TENM4: variants seen among roughly 807,000 people sequenced by gnomAD.
TENM4 encodes teneurin transmembrane protein 4, also known as teneurin-4.
A neutral mutation model predicts 243.3 loss-of-function variants in TENM4; 82 were observed. The ratio of observed to expected loss-of-function variants is 0.34; its 90% CI spans 0.28 to 0.40. The LOEUF (loss-of-function observed/expected upper bound fraction) is 0.40. Ranked by LOEUF, TENM4 falls within the 10% of genes least tolerant of loss-of-function variation. The pLI is 1.00. For missense variants in TENM4, 3,138 were observed against 3,673.3 expected (o/e 0.85, Z 3.77); for synonymous variants, 1,412 against 1,456.3 (o/e 0.97, Z 0.69).
At chr11:78,989,071 T>G (rs988570987) in intron 6 of TENM4, among the ~76,000 whole-genome samples, 1 of 152,262 alleles carries the variant, frequency 6.6e-6, no homozygotes, top group Admixed American at 6.5e-5. Flanking sequence ...CTCACAACTC[T>G]AATCCTATAG....
Position 79,064,954 on chromosome 11 carries a change from C to T in TENM4, c.277G>A (p.Gly93Arg), listed in dbSNP as rs561431723. 428 of 1,483,850 alleles carry T rather than the reference C, an allele frequency of 2.9e-4. No homozygotes were observed. Among genetic ancestry groups the T allele is most frequent in the South Asian group, 1.1e-3 (82 of 73,432 alleles). The allele number at this position is 1,483,850 out of a possible 1,614,324, so 91.9% of individuals were successfully genotyped here. ...LGLEEVTPPH[G>R]TLYRTDIGLP... ...CCAATGTCTGTCCGGTACAGGGTCCCGTGAGGGGGCGTTACTTCTTCCAGC... is the reference window on the plus strand; with the variant it reads ...CCAATGTCTGTCCGGTACAGGGTCCTGTGAGGGGGCGTTACTTCTTCCAGC... The change falls in exon 6 of 34, where the codon GGG becomes AGG. Residue 93 changes from glycine (G) to arginine (R), a missense_variant. Coordinates refer to ENST00000278550, the MANE Select transcript of TENM4 (RefSeq NM_001098816.3).
intron 5 of TENM4, among the ~76,000 whole-genome samples, chr11:79,065,309 C>T (rs186656987): frequency 6.6e-6 from 1 of 152,334 alleles, no homozygotes; most frequent in African/African-American, 2.4e-5. Flanking sequence ...CAAGCTCCTT[C>T]CAGAGTCCTT....
intron 15 of TENM4, among the ~76,000 whole-genome samples, chr11:78,787,894 A>G (rs1856973039): frequency 6.6e-6 from 1 of 152,216 alleles, no homozygotes. Flanking sequence ...GCTCCAGGCC[A>G]GCAACAGCTT....
In TENM4 at chr11:78,658,462, C is replaced by G; in HGVS notation, c.7906G>C (p.Gly2636Arg). ...CCATTCTCCAGGGTTCGCCGCCCCC[C>G]ACTGAGGCCCAGGATGGCCAGGTCA... is the stretch of plus-strand genomic sequence containing the variant. ...EGDLAILGLS[G>R]GRRTLENGVN... is the part of the protein sequence containing the mutation. The change falls in exon 34 of 34, where the codon GGG becomes CGG. Residue 2636 changes from glycine (G) to arginine (R), a missense_variant. Physicochemically the swap from Gly to Arg is moderately radical, Grantham distance 125. Coordinates refer to ENST00000278550, the MANE Select transcript of TENM4 (RefSeq NM_001098816.3). 1 of 1,614,024 alleles carries G rather than the reference C, an allele frequency of 6.2e-7. No homozygotes were observed. Among genetic ancestry groups the G allele is most frequent in the Non-Finnish European group, 8.5e-7 (1 of 1,179,908 alleles).
At chr11:79,005,933 C>A (rs899605274) in intron 6 of TENM4, among the ~76,000 whole-genome samples, 6 of 152,168 alleles carry the variant, frequency 3.9e-5, no homozygotes, top group Admixed American at 6.5e-5. Flanking sequence ...AAATCAGTAG[C>A]ATTTCTATAC....
chr11:79,422,697 A>G (rs1858960910), intron 1 of TENM4, among the ~76,000 whole-genome samples: 1 of 152,190 alleles, frequency 6.6e-6, no homozygotes, highest in African/African-American at 2.4e-5. Flanking sequence ...GTTACAAAAC[A>G]CCACACTCCT....
At chr11:79,241,060 A>G (rs1410997408) in intron 2 of TENM4, among the ~76,000 whole-genome samples, 7 of 152,178 alleles carry the variant, frequency 4.6e-5, no homozygotes, top group African/African-American at 1.4e-4. Context: ...TAGTTTTAAA[A>G]TGCTGGCCCC....
At position 79,321,447 on chromosome 11, in the gene TENM4, T is replaced by A. The variant is rs557158441; in HGVS notation, c.-320-23904A>T. Among the ~76,000 whole-genome samples, 44 of 152,112 alleles carry A rather than the reference T, an allele frequency of 2.9e-4. 1 individual carries two copies. Among genetic ancestry groups the A allele is most frequent in the Non-Finnish European group, 2.4e-4 (16 of 68,016 alleles). ...TACAGCAACACTGTTGATGGTTCGATGTCCCAAATGATTCATCTGAAAAGG... is the reference window on the plus strand; with the variant it reads ...TACAGCAACACTGTTGATGGTTCGAAGTCCCAAATGATTCATCTGAAAAGG... On this transcript the variant is annotated intron_variant, in intron 1 of 33. Coordinates refer to ENST00000278550, the MANE Select transcript of TENM4 (RefSeq NM_001098816.3).
chr11:78,874,036 G>A (rs1356474436), intron 9 of TENM4, among the ~76,000 whole-genome samples: 5 of 151,956 alleles, frequency 3.3e-5, no homozygotes, highest in African/African-American at 1.2e-4. Flanking sequence ...TCAGCCCTGG[G>A]CCCTTATCAT....
intron 18 of TENM4, among the ~76,000 whole-genome samples, chr11:78,764,425 C>T (rs183932497): frequency 2.6e-5 from 4 of 152,384 alleles, no homozygotes; most frequent in African/African-American, 7.2e-5. Flanking sequence ...CGCCTCTCCA[C>T]GTGGGGCAGA....
At chr11:78,850,125 G>T (rs1013626382) in intron 12 of TENM4, among the ~76,000 whole-genome samples, 1 of 152,006 alleles carries the variant, frequency 6.6e-6, no homozygotes, top group African/African-American at 2.4e-5. Flanking sequence ...TCAACATCAG[G>T]TCTCTGTGCG....
At chr11:79,239,839 T>C (rs144048349) in intron 2 of TENM4, among the ~76,000 whole-genome samples, 11 of 152,194 alleles carry the variant, frequency 7.2e-5, no homozygotes, top group Admixed American at 2.6e-4. Flanking sequence ...GTATAAAAGA[T>C]AGGAAAGACC....
chr11:78,883,430 C>T (rs1022240855), intron 9 of TENM4, among the ~76,000 whole-genome samples: 2 of 152,190 alleles, frequency 1.3e-5, no homozygotes, highest in Non-Finnish European at 2.9e-5. Flanking sequence ...ATCTTCCTTC[C>T]TGATGAGAAC....
At chr11:79,345,608 A>T (rs573056016) in intron 1 of TENM4, among the ~76,000 whole-genome samples, 211 of 152,336 alleles carry the variant, frequency 1.4e-3, no homozygotes, top group African/African-American at 4.8e-3. Flanking sequence ...GGCAAAGACT[A>T]GGGTTCATAT....
At chr11:78,785,878 T>C (rs1477921807) in intron 16 of TENM4, among the ~76,000 whole-genome samples, 5 of 152,076 alleles carry the variant, frequency 3.3e-5, no homozygotes, top group African/African-American at 9.7e-5. Context: ...TTCCAGTTTC[T>C]CTAAGACCCA....
intron 16 of TENM4, 78 bp downstream of exon 16, chr11:78,786,820 G>A: frequency 6.5e-7 from 1 of 1,534,776 alleles, no homozygotes; most frequent in Non-Finnish European, 8.8e-7. Context: ...GAGGGCCCAG[G>A]CTGGCCCTGA....
intron 6 of TENM4, among the ~76,000 whole-genome samples, chr11:78,965,920 T>C (rs1591168886): frequency 6.6e-6 from 1 of 152,242 alleles, no homozygotes; most frequent in African/African-American, 2.4e-5. Flanking sequence ...TTTCCTAAGA[T>C]GTAAGAAAAC....
intron 2 of TENM4, among the ~76,000 whole-genome samples, chr11:79,294,802 A>T (rs994438501): frequency 6.6e-6 from 1 of 151,948 alleles, no homozygotes; most frequent in South Asian, 2.1e-4. Context: ...TGAGCCAAGA[A>T]CCCATCACTG....
chr11:79,301,776 C>T (rs1171361215), intron 1 of TENM4, among the ~76,000 whole-genome samples: 3 of 152,128 alleles, frequency 2.0e-5, no homozygotes, highest in Non-Finnish European at 4.4e-5. Context: ...CGAGTGAGTT[C>T]TCTTGGCCTC....
Sources: gnomAD v4.1 joint callset for allele counts (sites outside exome capture counted in the v4.1 genomes callset) on GRCh38, gnomAD v4.1.1 for gene constraint, MANE v1.5 for transcripts, NCBI Gene and HGNC (gene_info 2026-07-23, HGNC 2026-07-21) for gene names.